SAMD5: variants seen among roughly 807,000 people sequenced by gnomAD.
SAMD5 encodes the protein sterile alpha motif domain containing 5.
Under a neutral mutation model 11.3 loss-of-function variants are expected in SAMD5, and 13 were observed. The ratio of observed to expected loss-of-function variants is 1.15; its 90% CI spans 0.75 to 1.83. The LOEUF (loss-of-function observed/expected upper bound fraction) is 1.83. SAMD5 is among the 40% of genes most tolerant of loss of function. The pLI is 0.00. For missense variants in SAMD5, 255 were observed against 239.1 expected, an observed-to-expected ratio of 1.07 and a Z score of -0.44; for synonymous variants, 129 against 111.3, an observed-to-expected ratio of 1.16 and a Z score of -1.00.
intron 1 of SAMD5, among the ~76,000 whole-genome samples, chr6:147,577,551 T>G (rs1197480488): frequency 1.3e-5 from 2 of 152,166 alleles, no homozygotes; most frequent in Admixed American, 6.5e-5. Flanking sequence ...AATATATCTC[T>G]TTTAGCCTAC....
At chr6:147,851,441 T>C in the SAMD5 span, among the ~76,000 whole-genome samples, 1 of 152,152 alleles carries the variant, frequency 6.6e-6, no homozygotes, top group African/African-American at 2.4e-5. Context: ...TATTATAAGG[T>C]TATACTGAAT....
At chr6:147,762,969 A>T in the SAMD5 span, among the ~76,000 whole-genome samples, 1 of 152,136 alleles carries the variant, frequency 6.6e-6, no homozygotes, top group African/African-American at 2.4e-5. Context: ...AGAAATTGGG[A>T]ATCATAGCTA....
chr6:147,741,762 T>C (rs1791882438), downstream of SAMD5: 1 of 152,184 alleles, frequency 6.6e-6, no homozygotes, highest in East Asian at 1.9e-4. Flanking sequence ...GAGGGTAGTG[T>C]GTTACCACGA....
At chr6:147,756,028 A>G in the SAMD5 span, among the ~76,000 whole-genome samples, 1 of 152,130 alleles carries the variant, frequency 6.6e-6, no homozygotes, top group Non-Finnish European at 1.5e-5. Context: ...TTCTCAAAGG[A>G]GGATAATGCA....
chr6:147,914,024 C>A, the SAMD5 span, among the ~76,000 whole-genome samples: 4 of 152,132 alleles, frequency 2.6e-5, no homozygotes, highest in African/African-American at 9.7e-5. Flanking sequence ...GCAGTGGAGT[C>A]CTGGTTAAGA....
intron 1 of SAMD5, among the ~76,000 whole-genome samples, chr6:147,540,777 G>T (rs1583074197): frequency 6.7e-6 from 1 of 148,192 alleles, no homozygotes; most frequent in Non-Finnish European, 1.5e-5. Flanking sequence ...CAGAGAGAGA[G>T]GGGGGGGGTC....
the SAMD5 span, among the ~76,000 whole-genome samples, chr6:147,847,342 G>A: frequency 2.1e-3 from 317 of 152,226 alleles, 3 homozygotes; most frequent in African/African-American, 7.0e-3. Context: ...CACCACGCAC[G>A]TTGTTGCTCA....
intron 1 of SAMD5, among the ~76,000 whole-genome samples, chr6:147,669,180 A>G (rs1455790500): frequency 6.6e-6 from 1 of 152,214 alleles, no homozygotes; most frequent in Middle Eastern, 3.2e-3. Flanking sequence ...TTTACTCACA[A>G]TAGGACTTAT....
chr6:147,886,948 C>G, the SAMD5 span, among the ~76,000 whole-genome samples: 1 of 152,120 alleles, frequency 6.6e-6, no homozygotes, highest in Non-Finnish European at 1.5e-5. Context: ...GTTGAGCCAC[C>G]AGATGAGAAT....
chr6:147,712,920 A>G (rs1378944818), intron 1 of SAMD5, among the ~76,000 whole-genome samples: 4 of 152,166 alleles, frequency 2.6e-5, no homozygotes, highest in Admixed American at 2.0e-4. Flanking sequence ...ATTGGTTCCT[A>G]TTAGTGATTA....
chr6:147,749,945 T>C, the SAMD5 span, among the ~76,000 whole-genome samples: 1 of 152,192 alleles, frequency 6.6e-6, no homozygotes, highest in South Asian at 2.1e-4. Flanking sequence ...CAAATTGTTG[T>C]CATTCAGACT....
At chr6:147,523,877 C>T (rs1788293198) in intron 1 of SAMD5, among the ~76,000 whole-genome samples, 1 of 152,176 alleles carries the variant, frequency 6.6e-6, no homozygotes. Context: ...ATCACACAAA[C>T]TCAGTGTATC....
At chr6:147,603,347 A>G (rs1789651938) in intron 1 of SAMD5, among the ~76,000 whole-genome samples, 1 of 152,204 alleles carries the variant, frequency 6.6e-6, no homozygotes, top group Non-Finnish European at 1.5e-5. Context: ...TATAGATGTT[A>G]TACTGATGGG....
chr6:147,783,688 C>A, the SAMD5 span, among the ~76,000 whole-genome samples: 1 of 152,158 alleles, frequency 6.6e-6, no homozygotes, highest in African/African-American at 2.4e-5. Flanking sequence ...TGTGAGCCAC[C>A]ATGCCTGGCC....
chr6:147,902,169 T>G, the SAMD5 span, among the ~76,000 whole-genome samples: 2 of 152,150 alleles, frequency 1.3e-5, no homozygotes, highest in Non-Finnish European at 2.9e-5. Context: ...CTGGTCCAAA[T>G]GGCCCCACAC....
chr6:147,608,643 G>C (rs1789736408), intron 1 of SAMD5, among the ~76,000 whole-genome samples: 1 of 152,160 alleles, frequency 6.6e-6, no homozygotes, highest in Admixed American at 6.5e-5. Context: ...CAGAGGCTGG[G>C]AAGGGTAGTA....
the SAMD5 span, among the ~76,000 whole-genome samples, chr6:147,756,350 A>G: frequency 1.3e-5 from 2 of 152,182 alleles, no homozygotes; most frequent in African/African-American, 4.8e-5. Flanking sequence ...TGGTGTTCAA[A>G]TCAAATTATA....
chr6:147,637,760 C>G (rs1424566290), intron 1 of SAMD5, among the ~76,000 whole-genome samples: 1 of 152,126 alleles, frequency 6.6e-6, no homozygotes, highest in South Asian at 2.1e-4. Context: ...CATTCTCACT[C>G]TTGTGCACAG....
the SAMD5 span, among the ~76,000 whole-genome samples, chr6:147,803,923 G>C: frequency 6.6e-6 from 1 of 152,014 alleles, no homozygotes; most frequent in African/African-American, 2.4e-5. Flanking sequence ...GGTTCCCATG[G>C]CTTCCTCTGA....
Sources: allele counts gnomAD v4.1 joint callset (sites outside exome capture counted in the v4.1 genomes callset), GRCh38; gene constraint gnomAD v4.1.1; transcripts MANE v1.5; gene names NCBI Gene and HGNC (gene_info 2026-07-23, HGNC 2026-07-21).